The following KIF5C variants were observed in gnomAD, a reference collection of about 807,000 sequenced individuals.
KIF5C encodes the protein kinesin heavy chain isoform 5C.
Under a neutral mutation model 125.2 loss-of-function variants are expected in KIF5C, and 18 were observed. The observed-to-expected ratio is 0.14, with a 90% CI of 0.10 to 0.21. The LOEUF (loss-of-function observed/expected upper bound fraction) is 0.21, where lower values mean the gene tolerates loss of function less well. Ranked by LOEUF, KIF5C falls within the 10% of genes least tolerant of loss-of-function variation. The pLI is 1.00. For missense variants in KIF5C, 780 were observed against 1,183.8 expected, an observed-to-expected ratio of 0.66 and a Z score of 5.01; for synonymous variants, 405 against 434.0, an observed-to-expected ratio of 0.93 and a Z score of 0.83.
At chr2:148,969,902 C>T (rs554973324) in intron 11 of KIF5C, among the ~76,000 whole-genome samples, 1 of 152,268 alleles carries the variant, frequency 6.6e-6, no homozygotes, top group Non-Finnish European at 1.5e-5. Context: ...GTCATTTTCT[C>T]GGTCCTTTGA....
chr2:148,929,315 G>A lies in KIF5C; in HGVS notation c.252G>A (p.Ala84=), dbSNP rs1039849804. 2.1e-5 allele frequency: 33 copies of A among 1,536,238 alleles called. No homozygotes were observed. Among genetic ancestry groups the A allele is most frequent in the African/African-American group, 5.5e-5 (4 of 72,976 alleles). The change falls in exon 3 of 26, where the codon GCG becomes GCA. Residue 84 remains alanine (A), a synonymous_variant. Transcript: ENST00000435030. The part of the protein sequence containing the change: ...VLEGYNGTIF[A]YGQTSSGKTH... ...AAGGTTATAACGGGACGATTTTTGC[G>A]TATGGGCAGACTTCATCAGGAAAAA... is the stretch of plus-strand genomic sequence containing the variant.
intron 16 of KIF5C, among the ~76,000 whole-genome samples, chr2:148,991,786 T>C (rs1025590715): frequency 1.3e-5 from 2 of 152,278 alleles, no homozygotes; most frequent in Middle Eastern, 3.4e-3. Context: ...CTCAAAAAAA[T>C]GTGTGTGAAC....
intron 21 of KIF5C, among the ~76,000 whole-genome samples, chr2:149,001,946 T>G (rs1681862817): frequency 6.6e-6 from 1 of 152,184 alleles, no homozygotes; most frequent in Non-Finnish European, 1.5e-5. Context: ...ACTAGTCATA[T>G]TTGTTGGACC....
At chr2:149,011,419 C>G (rs1682192425) in intron 24 of KIF5C, 151 bp from the exon 25 acceptor site, 2 of 1,142,662 alleles carry the variant, frequency 1.8e-6, no homozygotes, top group African/African-American at 3.1e-5. Flanking sequence ...GATAGTTTTC[C>G]CATTTTCAGA....
chr2:148,973,187 T>C (rs1186225896), intron 11 of KIF5C, 149 bp from the exon 12 acceptor site: 2 of 1,176,918 alleles, frequency 1.7e-6, no homozygotes, highest in Non-Finnish European at 2.3e-6. Context: ...TCTTGTCAAA[T>C]AGAAGGAACA....
At position 149,026,266 on chromosome 2, in the gene KIF5C, A is replaced by G. The variant is rs893272389; in HGVS notation, c.*3196A>G. The G allele has an allele frequency of 1.3e-5, 2 of 152,244 alleles. No homozygotes were observed. The highest frequency in any genetic ancestry group is 4.8e-5 in the African/African-American group (2 of 41,468). The allele number at this position is 152,244 out of a possible 1,614,324, so 9.4% of individuals were successfully genotyped here. A position where few individuals can be genotyped will look rare whatever the true frequency, so the allele number is the denominator to read the frequency against. ...TCATAATCTAAAATTGCTTCATTTAACACTAACAATTTAGACTTTTTAAAC... is the reference window on the plus strand; with the variant it reads ...TCATAATCTAAAATTGCTTCATTTAGCACTAACAATTTAGACTTTTTAAAC... On this transcript the variant is annotated 3_prime_UTR_variant, in exon 26 of 26. Coordinates refer to ENST00000435030, the MANE Select transcript of KIF5C (RefSeq NM_004522.3).
In KIF5C at chr2:148,919,115, C is replaced by A. The variant is rs73007600; in HGVS notation, c.127-3022C>A. The stretch of plus-strand genomic sequence containing the variant: ...TAAATTTGAGATGGCTCATGGACAC[C>A]TAAATGGAAATGTCTAGAGGACATG... On this transcript the variant is annotated intron_variant, in intron 1 of 25. Coordinates refer to ENST00000435030, the MANE Select transcript of KIF5C (RefSeq NM_004522.3). Among the ~76,000 whole-genome samples, 729 of 152,196 alleles carry A rather than the reference C, an allele frequency of 4.8e-3. 8 individuals are homozygous for A. The highest frequency in any genetic ancestry group is 0.017 in the African/African-American group (704 of 41,506).
Position 148,962,118 on chromosome 2 carries a change from T to C in KIF5C, c.1116T>C (p.Asn372=). Residue 372 remains asparagine (N), a splice_region_variant and synonymous_variant, in exon 11 of 26, where the codon AAT becomes AAC. Coordinates refer to ENST00000435030, the MANE Select transcript of KIF5C (RefSeq NM_004522.3). The stretch of plus-strand genomic sequence containing the variant: ...AGATGGAGCTAAACAGGTGGAGGAA[T>C]GGTAAGGAAAAGTAAGGAGGAAGAG... The part of the protein sequence containing the change: ...HLEMELNRWR[N]GEAVPEDEQI... 1.2e-6 allele frequency: 2 copies of C among 1,602,240 alleles called. No homozygotes were observed. The highest frequency in any genetic ancestry group is 1.1e-5 in the South Asian group (1 of 89,696).
Position 149,025,174 on chromosome 2 carries a change from G to A in KIF5C, c.*2104G>A, listed in dbSNP as rs1259303683. ...TTTCATGTTTCAAAGGGAAACATTC[G>A]CTTGTAGTTCCATTTTACTTGATCT... On this transcript the variant is annotated 3_prime_UTR_variant, in exon 26 of 26. Transcript: ENST00000435030. 4 of 152,558 alleles carry A rather than the reference G, an allele frequency of 2.6e-5. No individual in the cohort carries two copies. The highest frequency in any genetic ancestry group is 7.2e-5 in the African/African-American group (3 of 41,414). 9.5% of individuals were successfully genotyped at this position (152,558 alleles called of 1,614,324 possible).
chr2:148,950,561 C>A (rs1031048586), intron 10 of KIF5C, 99 bp downstream of exon 10: 3 of 1,424,588 alleles, frequency 2.1e-6, no homozygotes, highest in Middle Eastern at 2.4e-4. Context: ...GTAATCCCAG[C>A]ACTTTGGGAG....
At chr2:149,003,218 C>T (rs1466934653) in intron 21 of KIF5C, among the ~76,000 whole-genome samples, 1 of 152,266 alleles carries the variant, frequency 6.6e-6, no homozygotes, top group African/African-American at 2.4e-5. Context: ...CAGAAATAGA[C>T]GCACTGTCCT....
At chr2:148,954,843 T>C (rs1213501397) in intron 10 of KIF5C, among the ~76,000 whole-genome samples, 1 of 151,958 alleles carries the variant, frequency 6.6e-6, no homozygotes, top group Non-Finnish European at 1.5e-5. Context: ...CCTACGAGAG[T>C]AGAATGAGCA....
At chr2:148,918,063 G>C (rs1033491797) in intron 1 of KIF5C, among the ~76,000 whole-genome samples, 2 of 152,142 alleles carry the variant, frequency 1.3e-5, no homozygotes, top group Non-Finnish European at 2.9e-5. Context: ...CAGGCCATAT[G>C]GTTCCCAGAC....
chr2:148,947,093 T>C, intron 8 of KIF5C, 70 bp downstream of exon 8: 2 of 1,502,612 alleles, frequency 1.3e-6, no homozygotes, highest in Non-Finnish European at 1.8e-6. Context: ...AATGGTATAA[T>C]TTTTATGCTT....
chr2:148,948,055 TA>T (rs1256006023), intron 8 of KIF5C: 1 of 456,064 alleles, frequency 2.2e-6, no homozygotes, highest in East Asian at 7.0e-5. Context: ...TCTAAAATTT[TA>T]CTAGTATGGG....
At chr2:148,884,551 A>G (rs1292956565) in intron 1 of KIF5C, among the ~76,000 whole-genome samples, 1 of 152,204 alleles carries the variant, frequency 6.6e-6, no homozygotes, top group Non-Finnish European at 1.5e-5. Context: ...GGCCAATCTT[A>G]TTTTTTGTAT....
chr2:148,998,263 A>T, intron 18 of KIF5C, 137 bp from the exon 19 acceptor site: 1 of 1,391,950 alleles, frequency 7.2e-7, no homozygotes, highest in Non-Finnish European at 9.7e-7. Flanking sequence ...GGGGCAAAAC[A>T]GCCAGAAATG....
intron 21 of KIF5C, 118 bp downstream of exon 21, chr2:149,000,900 A>C: frequency 1.3e-6 from 2 of 1,509,508 alleles, no homozygotes; most frequent in Non-Finnish European, 1.8e-6. Context: ...TTTAGATAAG[A>C]CATTCTATGG....
At chr2:149,000,389 T>G in intron 19 of KIF5C, 34 bp from the exon 20 acceptor site, 1 of 1,546,520 alleles carries the variant, frequency 6.5e-7, no homozygotes, top group Admixed American at 1.9e-5. Context: ...TTCAGACTGA[T>G]GTGGAATATA....
Sources: allele counts gnomAD v4.1 joint callset (sites outside exome capture counted in the v4.1 genomes callset), GRCh38; gene constraint gnomAD v4.1.1; transcripts MANE v1.5; gene names NCBI Gene and HGNC (gene_info 2026-07-23, HGNC 2026-07-21).